The following PTPRD variants were observed in gnomAD, a reference collection of about 807,000 sequenced individuals.
PTPRD encodes the protein receptor-type tyrosine-protein phosphatase delta.
Under a neutral mutation model 214.5 loss-of-function variants are expected in PTPRD, and 34 were observed. That is an observed-to-expected ratio of 0.16 (90% CI 0.12 to 0.21). PTPRD has a LOEUF of 0.21. PTPRD is among the 10% of genes least tolerant of loss of function. The probability of loss-of-function intolerance (pLI) is 1.00; values close to 1 mark genes in which losing one functional copy is unlikely to be tolerated. For missense variants in PTPRD, 2,545 were observed against 2,398.7 expected, an observed-to-expected ratio of 1.06 and a Z score of -1.27; for synonymous variants, 1,128 against 845.7, an observed-to-expected ratio of 1.33 and a Z score of -5.79.
chr9:8,833,761 TTA>T (rs1185531267), intron 11 of PTPRD, among the ~76,000 whole-genome samples: 1 of 143,800 alleles, frequency 7.0e-6, no homozygotes, highest in Non-Finnish European at 1.5e-5. Context: ...TCTATATATA[TTA>T]TATATATGTA....
At chr9:9,844,449 T>A (rs536953542) in intron 5 of PTPRD, among the ~76,000 whole-genome samples, 55 of 151,936 alleles carry the variant, frequency 3.6e-4, no homozygotes, top group Non-Finnish European at 7.4e-4. Context: ...AGGTGTGGGG[T>A]AAATGAGATC....
At chr9:8,497,292 G>C in intron 25 of PTPRD, 24 bp from the exon 26 acceptor site, 1 of 1,579,492 alleles carries the variant, frequency 6.3e-7, no homozygotes, top group Non-Finnish European at 8.6e-7. Flanking sequence ...AGAAGGTTGG[G>C]AGGAAAACAA....
At chr9:10,120,761 A>T (rs2098768253) in intron 3 of PTPRD, among the ~76,000 whole-genome samples, 1 of 152,114 alleles carries the variant, frequency 6.6e-6, no homozygotes, top group African/African-American at 2.4e-5. Context: ...TGAGGAGCCA[A>T]CGATAATCCC....
intron 7 of PTPRD, among the ~76,000 whole-genome samples, chr9:9,662,380 T>C (rs2154380842): frequency 6.6e-6 from 1 of 151,820 alleles, no homozygotes; most frequent in African/African-American, 2.4e-5. Flanking sequence ...GTAATCATGA[T>C]CATTTCATTT....
intron 11 of PTPRD, among the ~76,000 whole-genome samples, chr9:8,940,768 C>T (rs966228040): frequency 6.6e-6 from 1 of 152,046 alleles, no homozygotes; most frequent in African/African-American, 2.4e-5. Context: ...CTACCCCTTT[C>T]AGTACTGTTC....
At chr9:9,916,279 T>C (rs571073190) in intron 5 of PTPRD, among the ~76,000 whole-genome samples, 2 of 151,552 alleles carry the variant, frequency 1.3e-5, no homozygotes, top group Non-Finnish European at 2.9e-5. Context: ...CATGGAAACA[T>C]ACAAAACTCA....
At chr9:9,974,575 G>C (rs2095281583) in intron 4 of PTPRD, among the ~76,000 whole-genome samples, 1 of 152,048 alleles carries the variant, frequency 6.6e-6, no homozygotes, top group African/African-American at 2.4e-5. Flanking sequence ...TTTGAATCTA[G>C]ACCTAATTAC....
intron 2 of PTPRD, among the ~76,000 whole-genome samples, chr9:10,560,924 G>A (rs2757873): frequency 0.16 from 24,075 of 152,132 alleles, 2,435 homozygotes; most frequent in East Asian, 0.49. Context: ...AGACCTCAGA[G>A]AGTGCTTAAC....
intron 2 of PTPRD, among the ~76,000 whole-genome samples, chr9:10,523,173 T>C (rs1326148493): frequency 6.6e-6 from 1 of 152,058 alleles, no homozygotes; most frequent in East Asian, 1.9e-4. Flanking sequence ...AAATATACAT[T>C]AAAATGTTTT....
chr9:8,840,233 G>A (rs80035568), intron 11 of PTPRD, among the ~76,000 whole-genome samples: 14,059 of 152,108 alleles, frequency 0.092, 680 homozygotes, highest in Non-Finnish European at 0.098. Flanking sequence ...TGAATTCCAC[G>A]TGTTGTAGGA....
intron 7 of PTPRD, among the ~76,000 whole-genome samples, chr9:9,676,432 C>T (rs1333819870): frequency 6.6e-6 from 1 of 151,910 alleles, no homozygotes; most frequent in African/African-American, 2.4e-5. Flanking sequence ...CAGCTTCATC[C>T]ATGTCCCTAC....
intron 12 of PTPRD, among the ~76,000 whole-genome samples, chr9:8,645,047 T>C (rs892164318): frequency 6.6e-6 from 1 of 152,260 alleles, no homozygotes; most frequent in Non-Finnish European, 1.5e-5. Context: ...ATTATAAAGA[T>C]TGCACAGATA....
chr9:10,429,582 GAA>G (rs771667072), intron 2 of PTPRD, among the ~76,000 whole-genome samples: 2 of 151,686 alleles, frequency 1.3e-5, no homozygotes, highest in Non-Finnish European at 2.9e-5. Flanking sequence ...GGCCCAGAAA[GAA>G]AAAATATCGC....
intron 14 of PTPRD, among the ~76,000 whole-genome samples, chr9:8,608,435 A>G (rs894371620): frequency 5.9e-5 from 9 of 152,196 alleles, no homozygotes; most frequent in African/African-American, 2.2e-4. Context: ...TTAGCAAAGC[A>G]TCACTGTGGT....
At chr9:9,678,070 G>C (rs2096973594) in intron 7 of PTPRD, among the ~76,000 whole-genome samples, 1 of 152,036 alleles carries the variant, frequency 6.6e-6, no homozygotes, top group East Asian at 1.9e-4. Flanking sequence ...AATAAAAGAG[G>C]ATACAAACAA....
At chr9:9,923,123 G>GGGGTGTGTGTGTGTGT (rs1555340191) in intron 5 of PTPRD, among the ~76,000 whole-genome samples, 2 of 144,960 alleles carry the variant, frequency 1.4e-5, no homozygotes, top group African/African-American at 5.1e-5. Flanking sequence ...GTGTGTGGGG[G>GGGGTGTGTGTGTGTGT]GTGTGTGTGT....
Position 9,201,358 on chromosome 9 carries a change from G to A in PTPRD, c.-202-17995C>T, listed in dbSNP as rs570728828. On this transcript the variant is annotated intron_variant, in intron 9 of 45. Coordinates refer to ENST00000381196, the MANE Select transcript of PTPRD (RefSeq NM_002839.4). ...CTATTTTTCTCGATTGAAGAAAACT[G>A]TGGAATGCTTATTTGGACAACTAAT... Among the ~76,000 whole-genome samples, 5 of 152,288 alleles carry A rather than the reference G, an allele frequency of 3.3e-5. No homozygotes were observed. The South Asian group carries it at 1.0e-3, about 32-fold the overall frequency.
At chr9:10,418,996 A>T (rs1012095104) in intron 2 of PTPRD, among the ~76,000 whole-genome samples, 2 of 151,752 alleles carry the variant, frequency 1.3e-5, no homozygotes, top group Non-Finnish European at 2.9e-5. Context: ...CTCTCATTAC[A>T]CTGGGCAATT....
At chr9:9,982,549 A>G (rs1324738184) in intron 4 of PTPRD, among the ~76,000 whole-genome samples, 1 of 151,318 alleles carries the variant, frequency 6.6e-6, no homozygotes, top group Non-Finnish European at 1.5e-5. Context: ...CTTATTTATG[A>G]TCACAGAAAA....
Sources: allele counts gnomAD v4.1 joint callset (sites outside exome capture counted in the v4.1 genomes callset), GRCh38; gene constraint gnomAD v4.1.1; transcripts MANE v1.5; gene names NCBI Gene and HGNC (gene_info 2026-07-23, HGNC 2026-07-21).